TMEM132C: variants seen among roughly 807,000 people sequenced by gnomAD.
The protein encoded by TMEM132C is transmembrane protein 132C, also known as protein phosphatase 1, regulatory subunit 152.
In TMEM132C, 29 loss-of-function variants were observed where a neutral mutation model predicts 61.4. The observed-to-expected ratio is 0.47, with a 90% CI of 0.35 to 0.64. The LOEUF (loss-of-function observed/expected upper bound fraction) is 0.64. Among genes scored for constraint, TMEM132C ranks in the 30% least tolerant of loss-of-function variants. The pLI is 0.00. For synonymous variants in TMEM132C, 656 were observed against 633.1 expected (o/e 1.04, Z -0.54); for missense variants, 1,408 against 1,476.9 (o/e 0.95, Z 0.76).
intron 4 of TMEM132C, among the ~76,000 whole-genome samples, chr12:128,657,343 A>G (rs7298384): frequency 0.024 from 3,714 of 152,342 alleles, 67 homozygotes; most frequent in Non-Finnish European, 0.038. Flanking sequence ...ATATTATCCC[A>G]GCAAACAGAT....
At chr12:128,413,498 T>A (rs571675451) in intron 1 of TMEM132C, among the ~76,000 whole-genome samples, 1 of 151,968 alleles carries the variant, frequency 6.6e-6, no homozygotes, top group African/African-American at 2.4e-5. Context: ...ATACTAAGAC[T>A]GTCTATTGCC....
At chr12:128,531,906 C>T (rs1398715008) in intron 2 of TMEM132C, among the ~76,000 whole-genome samples, 2 of 152,198 alleles carry the variant, frequency 1.3e-5, no homozygotes, top group Non-Finnish European at 2.9e-5. Flanking sequence ...ACCCTGCTCA[C>T]AAGGCTCCTG....
intron 1 of TMEM132C, among the ~76,000 whole-genome samples, chr12:128,268,678 A>G (rs754783762): frequency 6.6e-5 from 10 of 152,104 alleles, no homozygotes; most frequent in Non-Finnish European, 1.3e-4. Flanking sequence ...TGAGCTAGAA[A>G]TGCGTTCAGA....
intron 2 of TMEM132C, among the ~76,000 whole-genome samples, chr12:128,514,142 A>G (rs950878041): frequency 2.0e-5 from 3 of 152,242 alleles, no homozygotes; most frequent in Non-Finnish European, 2.9e-5. Flanking sequence ...TTACAATGCT[A>G]AAGAAAGCAT....
intron 3 of TMEM132C, among the ~76,000 whole-genome samples, chr12:128,604,408 GATA>G: frequency 1.9e-5 from 1 of 52,522 alleles, no homozygotes. Flanking sequence ...ATGGATGGAA[GATA>G]GATAGATAGA....
chr12:128,464,449 A>C (rs186537512), intron 2 of TMEM132C, among the ~76,000 whole-genome samples: 1 of 152,134 alleles, frequency 6.6e-6, no homozygotes, highest in East Asian at 1.9e-4. Flanking sequence ...GTCTCCTTTT[A>C]GGGCATTTGA....
At chr12:128,457,575 CAAAA>C (rs61228190) in intron 2 of TMEM132C, among the ~76,000 whole-genome samples, 1 of 89,146 alleles carries the variant, frequency 1.1e-5, no homozygotes. Flanking sequence ...GACTCCATCT[CAAAA>C]AAAAAAAAAA....
intron 2 of TMEM132C, among the ~76,000 whole-genome samples, chr12:128,486,876 A>AACAC (rs56407388): frequency 0.024 from 3,210 of 131,172 alleles, 64 homozygotes; most frequent in African/African-American, 0.056. Context: ...TGTGCATGCA[A>AACAC]ACACACACAC....
At chr12:128,605,113 T>TGATA (rs3044839) in intron 3 of TMEM132C, among the ~76,000 whole-genome samples, 9,193 of 150,996 alleles carry the variant, frequency 0.061, 508 homozygotes, top group East Asian at 0.21. Flanking sequence ...GACAGATAAA[T>TGATA]GATAGATAGA....
chr12:128,539,992 G>T (rs921946572), intron 2 of TMEM132C, among the ~76,000 whole-genome samples: 4 of 151,510 alleles, frequency 2.6e-5, no homozygotes, highest in African/African-American at 9.7e-5. Context: ...TCTTTTTTCT[G>T]TTATTGACAT....
At chr12:128,517,118 C>G (rs1872743555) in intron 2 of TMEM132C, among the ~76,000 whole-genome samples, 2 of 151,474 alleles carry the variant, frequency 1.3e-5, no homozygotes, top group Non-Finnish European at 2.9e-5. Flanking sequence ...GTAATCGCAG[C>G]TACTCATGAG....
At chr12:128,642,512 G>A (rs1954165390) in intron 4 of TMEM132C, among the ~76,000 whole-genome samples, 1 of 152,188 alleles carries the variant, frequency 6.6e-6, no homozygotes, top group Admixed American at 6.5e-5. Context: ...CCTCATGAAT[G>A]TCTTGATATC....
chr12:128,390,248 A>G (rs891722236), intron 1 of TMEM132C, among the ~76,000 whole-genome samples: 4 of 152,194 alleles, frequency 2.6e-5, no homozygotes, highest in Non-Finnish European at 5.9e-5. Context: ...TGATTACCTT[A>G]TAGTTCTGGA....
chr12:128,642,081 G>A (rs1954162224), intron 4 of TMEM132C, among the ~76,000 whole-genome samples: 1 of 151,528 alleles, frequency 6.6e-6, no homozygotes, highest in African/African-American at 2.4e-5. Flanking sequence ...GGGATTACAG[G>A]CATGAGCCAC....
intron 2 of TMEM132C, among the ~76,000 whole-genome samples, chr12:128,453,588 A>G (rs1870249760): frequency 6.6e-6 from 1 of 152,182 alleles, no homozygotes; most frequent in Non-Finnish European, 1.5e-5. Context: ...GAGCAGTGAC[A>G]AAGTCATGTT....
At chr12:128,661,468 A>G (rs1039865574) in intron 4 of TMEM132C, among the ~76,000 whole-genome samples, 1 of 152,082 alleles carries the variant, frequency 6.6e-6, no homozygotes. Context: ...GTGTATGATG[A>G]CAACTGCTTG....
At chr12:128,424,059 A>C (rs1345128233) in intron 2 of TMEM132C, among the ~76,000 whole-genome samples, 1 of 151,094 alleles carries the variant, frequency 6.6e-6, no homozygotes, top group Non-Finnish European at 1.5e-5. Flanking sequence ...AAAAAAAAAA[A>C]AAAAAAAAAA....
chr12:128,531,969 G>A (rs891572859), intron 2 of TMEM132C, among the ~76,000 whole-genome samples: 1 of 152,160 alleles, frequency 6.6e-6, no homozygotes, highest in South Asian at 2.1e-4. Context: ...CAAAACACAA[G>A]AACGGTAATT....
intron 1 of TMEM132C, among the ~76,000 whole-genome samples, chr12:128,404,249 A>G (rs1384428696): frequency 2.6e-5 from 4 of 152,216 alleles, no homozygotes; most frequent in African/African-American, 2.4e-5. Context: ...AGGACCTAGT[A>G]AAAATACTAT....
Sources: gnomAD v4.1 joint callset for allele counts (sites outside exome capture counted in the v4.1 genomes callset) on GRCh38, gnomAD v4.1.1 for gene constraint, MANE v1.5 for transcripts, NCBI Gene and HGNC (gene_info 2026-07-23, HGNC 2026-07-21) for gene names.